TEX11: variants seen among roughly 807,000 people sequenced by gnomAD.
TEX11 encodes the protein testis expressed 11, also known as testis-expressed protein 11.
In TEX11, 7 loss-of-function variants were observed where a neutral mutation model predicts 84.4. That is an observed-to-expected ratio of 0.08 (90% CI 0.05 to 0.16). The LOEUF (loss-of-function observed/expected upper bound fraction) is 0.16. TEX11 is among the 10% of genes least tolerant of loss of function. TEX11 has a pLI of 1.00. For synonymous variants in TEX11, 264 were observed against 222.8 expected, an observed-to-expected ratio of 1.18 and a Z score of -1.64; for missense variants, 551 against 660.5, an observed-to-expected ratio of 0.83 and a Z score of 1.82.
At chrX:70,748,532 T>C (rs1602094151) in intron 9 of TEX11, among the ~76,000 whole-genome samples, 1 of 111,532 alleles carries the variant, frequency 9.0e-6, no homozygotes, top group South Asian at 3.8e-4. Context: ...CTAGGTTTTC[T>C]TTAGGGTTTT....
chrX:70,732,083 G>A (rs1254965197), intron 11 of TEX11, among the ~76,000 whole-genome samples: 1 of 111,485 alleles, frequency 9.0e-6, no homozygotes, highest in Admixed American at 9.5e-5. Context: ...TGCAGAAAAG[G>A]CCTTTGACAA....
intron 13 of TEX11, among the ~76,000 whole-genome samples, chrX:70,712,230 T>A (rs1051613281): frequency 9.0e-6 from 1 of 111,715 alleles, no homozygotes; most frequent in Non-Finnish European, 1.9e-5. Context: ...GAGTGATGCC[T>A]CCAGTTTTGT....
At chrX:70,724,218 T>C in intron 12 of TEX11, 1 of 753,269 alleles carries the variant, frequency 1.3e-6, no homozygotes, top group Non-Finnish European at 1.6e-6. Context: ...GTTTGTTTAT[T>C]CCCCCAATGC....
At chrX:70,515,094 C>CAG in the TEX11 span, among the ~76,000 whole-genome samples, 1 of 89,395 alleles carries the variant, frequency 1.1e-5, no homozygotes, top group Non-Finnish European at 1.9e-5. Context: ...CACACACACA[C>CAG]ACAGAAAGAA....
In TEX11 at chrX:70,639,317, T is replaced by A. The variant is rs1296976991; in HGVS notation, c.1484-9582A>T. On this transcript the variant is annotated intron_variant, in intron 17 of 29. Transcript: ENST00000374333. ...CTAGCACAGCAGTCTGAGATCAAAC[T>A]GCAAGGCGGCAGTGAGGCTGGGGGA... is the stretch of plus-strand genomic sequence containing the variant. Among the ~76,000 whole-genome samples the A allele has an allele frequency of 8.2e-4, 92 of 111,692 alleles. 1 individual carries two copies. Among genetic ancestry groups the A allele is most frequent in the Non-Finnish European group, 1.5e-3 (79 of 53,078 alleles).
At chrX:70,607,123 A>G (rs1432265177) in intron 22 of TEX11, 94 bp from the exon 23 acceptor site, 5 of 618,375 alleles carry the variant, frequency 8.1e-6, no homozygotes, top group Non-Finnish European at 1.2e-5. Context: ...TACACCTTTG[A>G]TATTAACATA....
At chrX:70,577,810 C>T (rs920173173) in intron 25 of TEX11, among the ~76,000 whole-genome samples, 1 of 107,558 alleles carries the variant, frequency 9.3e-6, no homozygotes, top group Non-Finnish European at 1.9e-5. Context: ...TCACCGCAAC[C>T]TCCGCCTCCT....
chrX:70,576,456 T>C (rs1002772271), intron 25 of TEX11, among the ~76,000 whole-genome samples: 20 of 112,396 alleles, frequency 1.8e-4, no homozygotes, highest in African/African-American at 5.8e-4. Flanking sequence ...ATTTTAATTA[T>C]TAAAGTACTA....
chrX:70,514,581 C>A, the TEX11 span, among the ~76,000 whole-genome samples: 2 of 87,704 alleles, frequency 2.3e-5, no homozygotes, highest in Admixed American at 2.8e-4. Flanking sequence ...GTGTCAGAGC[C>A]GAGACTCCAT....
intron 5 of TEX11, among the ~76,000 whole-genome samples, chrX:70,860,594 A>G (rs1374666192): frequency 2.7e-5 from 3 of 111,765 alleles, no homozygotes; most frequent in Admixed American, 9.5e-5. Context: ...CAAGTTAGAG[A>G]TGAGAAAAGT....
At chrX:70,695,970 C>T (rs1019987195) in intron 13 of TEX11, among the ~76,000 whole-genome samples, 1 of 111,874 alleles carries the variant, frequency 8.9e-6, no homozygotes, top group Non-Finnish European at 1.9e-5. Context: ...ATTGTTATAA[C>T]GCAAATACAG....
At chrX:70,630,727 G>T (rs1473469333) in intron 17 of TEX11, among the ~76,000 whole-genome samples, 1 of 111,904 alleles carries the variant, frequency 8.9e-6, no homozygotes, top group Non-Finnish European at 1.9e-5. Flanking sequence ...GAGATAGTAA[G>T]ACTGAAAACA....
chrX:70,593,087 A>ACG (rs2088956671), intron 24 of TEX11, among the ~76,000 whole-genome samples: 1 of 104,087 alleles, frequency 9.6e-6, no homozygotes, highest in African/African-American at 3.5e-5. Context: ...ACACACACAC[A>ACG]CACACACACG....
chrX:70,668,554 T>C (rs1363321537), intron 16 of TEX11, among the ~76,000 whole-genome samples: 3 of 112,551 alleles, frequency 2.7e-5, no homozygotes, highest in African/African-American at 9.7e-5. Flanking sequence ...CAAAATATCC[T>C]TTGGTTTCAC....
chrX:70,757,055 A>C (rs2090872212), intron 9 of TEX11, among the ~76,000 whole-genome samples: 1 of 112,303 alleles, frequency 8.9e-6, no homozygotes, highest in African/African-American at 3.2e-5. Flanking sequence ...TAAAGTGAGA[A>C]AACAAAGTTA....
intron 5 of TEX11, among the ~76,000 whole-genome samples, chrX:70,855,740 TG>T (rs2091532939): frequency 1.8e-5 from 2 of 110,779 alleles, no homozygotes; most frequent in African/African-American, 6.6e-5. Flanking sequence ...CTCATCTGAC[TG>T]GTATCTTTAT....
intron 2 of TEX11, among the ~76,000 whole-genome samples, chrX:70,890,412 G>A (rs761241808): frequency 8.9e-6 from 1 of 111,794 alleles, no homozygotes; most frequent in Admixed American, 9.5e-5. Context: ...AAAGGGCAAG[G>A]GGTCACCCAA....
intron 17 of TEX11, among the ~76,000 whole-genome samples, chrX:70,643,901 A>T (rs1369957667): frequency 9.2e-6 from 1 of 108,183 alleles, no homozygotes; most frequent in Non-Finnish European, 1.9e-5. Context: ...CAATGGCAAC[A>T]AAAGACAAAA....
chrX:70,854,170 G>A (rs1376306980), intron 5 of TEX11, among the ~76,000 whole-genome samples: 1 of 111,788 alleles, frequency 8.9e-6, no homozygotes, highest in Admixed American at 9.5e-5. Context: ...TGAGAAAATA[G>A]AATTGAGAGA....
Sources: allele counts gnomAD v4.1 joint callset (sites outside exome capture counted in the v4.1 genomes callset), GRCh38; gene constraint gnomAD v4.1.1; transcripts MANE v1.5; gene names NCBI Gene and HGNC (gene_info 2026-07-23, HGNC 2026-07-21).